The following DIP2B variants were observed in gnomAD, a reference collection of about 807,000 sequenced individuals.
DIP2B encodes the protein DIP2 acetate--CoA ligase B (putative).
A neutral mutation model predicts 198.0 loss-of-function variants in DIP2B; 76 were observed. The ratio of observed to expected loss-of-function variants is 0.38; its 90% CI spans 0.32 to 0.46. The LOEUF (loss-of-function observed/expected upper bound fraction) is 0.46. Ranked by LOEUF, DIP2B falls within the 20% of genes least tolerant of loss-of-function variation. DIP2B has a pLI of 0.99. For missense variants in DIP2B, 1,559 were observed against 1,978.4 expected (o/e 0.79, Z 4.02); for synonymous variants, 701 against 739.1 (o/e 0.95, Z 0.84).
At chr12:50,651,773 T>C (rs1593688248) in intron 3 of DIP2B, among the ~76,000 whole-genome samples, 1 of 152,108 alleles carries the variant, frequency 6.6e-6, no homozygotes, top group African/African-American at 2.4e-5. Context: ...TCTCACTGTG[T>C]TTCCCAGGCT....
At position 50,698,394 on chromosome 12, in the gene DIP2B, G is replaced by C. The variant is rs749036005; in HGVS notation, c.2115G>C (p.Gly705=). The change falls in exon 18 of 38, where the codon GGG becomes GGC. Residue 705 remains glycine, a synonymous_variant. Transcript: ENST00000301180. ...TCTCAATGAATGGATTGAGCTATGG[G>C]GTAATACGGGTCAATACTGAAGATA... ...AILSMNGLSY[G]VIRVNTEDKN... 1.2e-6 allele frequency: 2 copies of C among 1,613,910 alleles called. No homozygotes were observed. Among genetic ancestry groups the C allele is most frequent in the African/African-American group, 2.7e-5 (2 of 74,908 alleles).
intron 1 of DIP2B, among the ~76,000 whole-genome samples, chr12:50,539,618 C>CA (rs59642964): frequency 0.68 from 90,091 of 132,736 alleles, 30,732 homozygotes; most frequent in Non-Finnish European, 0.71. Flanking sequence ...TACTCTGTCT[C>CA]AAAAAAAAAA....
chr12:50,619,402 C>A (rs1206096028), intron 1 of DIP2B, among the ~76,000 whole-genome samples: 1 of 152,164 alleles, frequency 6.6e-6, no homozygotes, highest in African/African-American at 2.4e-5. Context: ...CACTAAGTGA[C>A]TGTATCGTTA....
chr12:50,597,431 A>C (rs1248951666), intron 1 of DIP2B, among the ~76,000 whole-genome samples: 1 of 152,252 alleles, frequency 6.6e-6, no homozygotes, highest in Non-Finnish European at 1.5e-5. Flanking sequence ...CGCAGACAGC[A>C]GCTATCTCAC....
chr12:50,538,468 A>G (rs1958289809), intron 1 of DIP2B, among the ~76,000 whole-genome samples: 1 of 151,838 alleles, frequency 6.6e-6, no homozygotes, highest in Non-Finnish European at 1.5e-5. Context: ...GCCCAGTCCC[A>G]CTTCCCAAAA....
rs1268511391 is a variant in DIP2B, at chr12:50,565,723, A to G, written c.101-60253A>G. 4.6e-5 allele frequency among the ~76,000 whole-genome samples: 7 copies of G among 152,124 alleles called. No individual in the cohort carries two copies. In the East Asian group the frequency reaches 9.7e-4, roughly 21 times the overall value. On this transcript the variant is annotated intron_variant, in intron 1 of 37. Transcript: ENST00000301180. ...ACATCAATTAAAAAGGCATCATTTC[A>G]CCCTCAAATTAATCTTAAAAAGTCA...
At chr12:50,693,412 TAG>T (rs763678222) in intron 14 of DIP2B, among the ~76,000 whole-genome samples, 13 of 151,854 alleles carry the variant, frequency 8.6e-5, no homozygotes, top group African/African-American at 2.4e-4. Context: ...GATATAGAGG[TAG>T]AGAGAGGGGA....
intron 19 of DIP2B, among the ~76,000 whole-genome samples, chr12:50,702,380 A>G (rs768454600): frequency 6.6e-6 from 1 of 151,392 alleles, no homozygotes; most frequent in South Asian, 2.1e-4. Flanking sequence ...CCTGGCCAAC[A>G]TGGTGAAACC....
At chr12:50,514,283 G>A (rs902446853) in intron 1 of DIP2B, among the ~76,000 whole-genome samples, 9 of 151,864 alleles carry the variant, frequency 5.9e-5, no homozygotes, top group South Asian at 2.1e-4. Flanking sequence ...CAGGCTGGTC[G>A]CGAACTCCCA....
intron 1 of DIP2B, among the ~76,000 whole-genome samples, chr12:50,587,057 T>C (rs1958777804): frequency 6.6e-6 from 1 of 152,186 alleles, no homozygotes; most frequent in Non-Finnish European, 1.5e-5. Context: ...TTTTGAACCA[T>C]GGGTGAGTGT....
At chr12:50,508,988 C>G (rs147487334) in intron 1 of DIP2B, among the ~76,000 whole-genome samples, 360 of 152,314 alleles carry the variant, frequency 2.4e-3, no homozygotes, top group African/African-American at 8.0e-3. Flanking sequence ...GTGTAAGCCA[C>G]TGCACCTGGC....
chr12:50,658,099 A>C (rs1938584868), intron 3 of DIP2B, among the ~76,000 whole-genome samples: 1 of 151,832 alleles, frequency 6.6e-6, no homozygotes, highest in Admixed American at 6.6e-5. Context: ...AAAAAAAAAA[A>C]AAGAAAGAAA....
At chr12:50,637,359 A>G (rs1218607212) in intron 2 of DIP2B, among the ~76,000 whole-genome samples, 1 of 152,130 alleles carries the variant, frequency 6.6e-6, no homozygotes, top group Non-Finnish European at 1.5e-5. Context: ...GTAACACTCT[A>G]CCCTTTTGCT....
chr12:50,698,238 T>A, intron 17 of DIP2B, 90 bp from the exon 18 acceptor site: 1 of 1,481,474 alleles, frequency 6.8e-7, no homozygotes, highest in South Asian at 1.4e-5. Context: ...TTTTTGGTAT[T>A]GTAGCCAGAG....
intron 1 of DIP2B, among the ~76,000 whole-genome samples, chr12:50,619,479 G>A (rs916327443): frequency 2.6e-5 from 4 of 152,116 alleles, no homozygotes; most frequent in Admixed American, 6.6e-5. Context: ...CGTCTGCTCC[G>A]TGAAGCATTC....
intron 21 of DIP2B, 146 bp downstream of exon 21, chr12:50,706,811 T>TTC: frequency 1.3e-6 from 1 of 782,696 alleles, no homozygotes; most frequent in Non-Finnish European, 1.9e-6. Flanking sequence ...GGCTTTTTTT[T>TTC]TTCTTCTTCT....
At chr12:50,556,630 C>T (rs1315597454) in intron 1 of DIP2B, among the ~76,000 whole-genome samples, 1 of 151,070 alleles carries the variant, frequency 6.6e-6, no homozygotes, top group African/African-American at 2.4e-5. Flanking sequence ...GCAATCTCTG[C>T]CTCCCGGGTT....
rs529929581 is a variant in DIP2B, at chr12:50,584,208, G to A, written c.101-41768G>A. On this transcript the variant is annotated intron_variant, in intron 1 of 37. Transcript: ENST00000301180. ...TCCTCTAACTTCCACCTTGATATCA[G>A]TAACCTGTGACCCAGACCTCACAGG... Among the ~76,000 whole-genome samples the A allele has an allele frequency of 9.3e-4, 141 of 152,254 alleles. 1 individual carries two copies. The highest frequency in any genetic ancestry group is 1.7e-3 in the Non-Finnish European group (117 of 68,022).
At chr12:50,651,104 T>C (rs1938444302) in intron 3 of DIP2B, among the ~76,000 whole-genome samples, 1 of 152,228 alleles carries the variant, frequency 6.6e-6, no homozygotes, top group African/African-American at 2.4e-5. Context: ...TTGAGCATTT[T>C]TTCATATGAT....
Sources: allele counts gnomAD v4.1 joint callset (sites outside exome capture counted in the v4.1 genomes callset), GRCh38; gene constraint gnomAD v4.1.1; transcripts MANE v1.5; gene names NCBI Gene and HGNC (gene_info 2026-07-23, HGNC 2026-07-21).